The following VWA3A variants were observed in gnomAD, a reference collection of about 807,000 sequenced individuals.
VWA3A encodes von Willebrand factor A domain-containing protein 3A.
A neutral mutation model predicts 160.4 loss-of-function variants in VWA3A; 134 were observed. The ratio of observed to expected loss-of-function variants is 0.84; its 90% confidence interval spans 0.73 to 0.96. The LOEUF (loss-of-function observed/expected upper bound fraction) is 0.96, where lower values mean the gene tolerates loss of function less well. Ranked by LOEUF, VWA3A falls within the 40% of genes least tolerant of loss-of-function variation. VWA3A has a pLI of 0.00. For synonymous variants in VWA3A, 476 were observed against 543.4 expected (o/e 0.88, Z 1.72); for missense variants, 1,310 against 1,447.9 (o/e 0.90, Z 1.55).
intron 3 of VWA3A, among the ~76,000 whole-genome samples, chr16:22,098,865 C>T (rs1331783602): frequency 4.3e-5 from 6 of 138,112 alleles, no homozygotes; most frequent in Admixed American, 8.4e-5. Context: ...GCTTGAGTCC[C>T]GAAGTTTGAG....
rs576100221 is a variant in VWA3A, at chr16:22,141,999, T to A, written c.2494+307T>A. Among the ~76,000 whole-genome samples the A allele has an allele frequency of 3.0e-4, 46 of 152,312 alleles. 1 individual carries two copies. Among genetic ancestry groups the A allele is most frequent in the African/African-American group, 1.1e-3 (46 of 41,568 alleles). ...TAAGGCAGATGGCAAGGGATGGAGA[T>A]GATTCCCCTAGGCCAGCCTGATTCA... On this transcript the variant is annotated intron_variant, in intron 24 of 33. Transcript: ENST00000389398.
intron 30 of VWA3A, 68 bp from the exon 31 acceptor site, chr16:22,152,443 C>T (rs1465193927): frequency 1.3e-5 from 21 of 1,587,506 alleles, no homozygotes; most frequent in African/African-American, 5.4e-5. Context: ...TCCCCATGGA[C>T]GTGGGGAGTC....
chr16:22,103,782 G>C (rs984599945), intron 6 of VWA3A, among the ~76,000 whole-genome samples: 4 of 152,148 alleles, frequency 2.6e-5, no homozygotes, highest in Non-Finnish European at 5.9e-5. Flanking sequence ...GGCATAGGAA[G>C]GTGGTGATCA....
At chr16:22,103,326 G>A in intron 5 of VWA3A, 149 bp from the exon 6 acceptor site, 1 of 676,352 alleles carries the variant, frequency 1.5e-6, no homozygotes, top group Non-Finnish European at 2.4e-6. Flanking sequence ...GCACTACAGT[G>A]CACCTAAAAG....
intron 7 of VWA3A, 105 bp from the exon 8 acceptor site, chr16:22,110,783 T>C (rs2045541894): frequency 3.8e-6 from 4 of 1,060,426 alleles, no homozygotes; most frequent in Admixed American, 2.7e-5. Context: ...CCCTATTCAG[T>C]ACAGCTCACA....
intron 30 of VWA3A, among the ~76,000 whole-genome samples, chr16:22,151,319 A>AT (rs1296924086): frequency 6.6e-6 from 1 of 151,956 alleles, no homozygotes; most frequent in Non-Finnish European, 1.5e-5. Context: ...TAGGAGAAGC[A>AT]TTGTTTTTCT....
intron 5 of VWA3A, among the ~76,000 whole-genome samples, chr16:22,101,923 G>A (rs774695361): frequency 3.6e-4 from 55 of 152,334 alleles, no homozygotes; most frequent in Non-Finnish European, 6.9e-4. Context: ...TTAGCAAATT[G>A]ACTTGGATAG....
In VWA3A at chr16:22,134,719, T is replaced by C. The variant is rs561286122; in HGVS notation, c.2139+281T>C. Among the ~76,000 whole-genome samples the C allele has an allele frequency of 2.5e-4, 38 of 152,288 alleles. No homozygotes were observed. The East Asian group carries it at 7.1e-3, about 29-fold the overall frequency. Reference sequence around the variant, plus strand: ...AATTGCACTGGTTGCTCTTTTAAAATGGCAAGGAAGACTTTACTTAAGACT... The same window carrying C: ...AATTGCACTGGTTGCTCTTTTAAAACGGCAAGGAAGACTTTACTTAAGACT... On this transcript the variant is annotated intron_variant, in intron 21 of 33. Coordinates refer to ENST00000389398, the MANE Select transcript of VWA3A (RefSeq NM_173615.5).
intron 1 of VWA3A, among the ~76,000 whole-genome samples, chr16:22,096,535 T>A (rs2316101): frequency 0.42 from 64,399 of 151,956 alleles, 18,323 homozygotes; most frequent in African/African-American, 0.79. Context: ...ACTTGAGCCC[T>A]AGAGTTCGAG....
intron 21 of VWA3A, among the ~76,000 whole-genome samples, chr16:22,136,998 G>A (rs1025461569): frequency 1.3e-5 from 2 of 152,062 alleles, no homozygotes; most frequent in East Asian, 1.9e-4. Flanking sequence ...CCTTGAACCC[G>A]GGAGGCAGAG....
At chr16:22,098,015 G>A (rs938830603) in intron 3 of VWA3A, among the ~76,000 whole-genome samples, 1 of 152,202 alleles carries the variant, frequency 6.6e-6, no homozygotes, top group Non-Finnish European at 1.5e-5. Context: ...TTGCTTTTGA[G>A]ATTCCCTGAA....
At chr16:22,155,738 G>A (rs957665178) in intron 32 of VWA3A, 74 bp downstream of exon 32, 2 of 1,601,716 alleles carry the variant, frequency 1.2e-6, no homozygotes, top group African/African-American at 2.7e-5. Context: ...CCATCGAGAA[G>A]GGCCGCACCC....
chr16:22,104,058 G>C (rs1195084284), intron 6 of VWA3A, among the ~76,000 whole-genome samples: 3 of 152,322 alleles, frequency 2.0e-5, no homozygotes, highest in African/African-American at 7.2e-5. Flanking sequence ...CATGTGGAAG[G>C]CCAGAGCACT....
rs141063067 is a variant in VWA3A, at chr16:22,149,650, G to C, written c.2985-137G>C. The C allele has an allele frequency of 6.9e-5, 78 of 1,127,836 alleles. No individual in the cohort carries two copies. In the African/African-American group the frequency reaches 1.2e-3, roughly 17 times the overall value. 69.9% of individuals were successfully genotyped at this position (1,127,836 alleles called of 1,614,324 possible). On this transcript the variant is annotated intron_variant, in intron 28 of 33. Transcript: ENST00000389398. Reference sequence around the variant, plus strand: ...CTCTCCCTGAGGGGCCACAGGGCTCGTTGTAGGGGTCTTCAGTGACGAGCA... The same window carrying C: ...CTCTCCCTGAGGGGCCACAGGGCTCCTTGTAGGGGTCTTCAGTGACGAGCA...
At chr16:22,100,544 G>A in intron 5 of VWA3A, 51 bp downstream of exon 5, 1 of 1,520,026 alleles carries the variant, frequency 6.6e-7, no homozygotes. Flanking sequence ...CAAGAATTAT[G>A]TCATTTCAGT....
chr16:22,144,476 C>G (rs1398255924), intron 26 of VWA3A, 92 bp downstream of exon 26: 19 of 1,505,974 alleles, frequency 1.3e-5, no homozygotes, highest in African/African-American at 1.4e-5. Context: ...GCCTCTATTT[C>G]TGCTTGTAGG....
At chr16:22,118,110 A>G (rs2045674991) in intron 11 of VWA3A, among the ~76,000 whole-genome samples, 1 of 152,056 alleles carries the variant, frequency 6.6e-6, no homozygotes, top group African/African-American at 2.4e-5. Flanking sequence ...GTGACAGCCC[A>G]TCTCTACAAA....
In VWA3A at chr16:22,155,850, G is replaced by A; in HGVS notation, c.3504-1G>A. 1 of 1,613,902 alleles carries A rather than the reference G, an allele frequency of 6.2e-7. No individual in the cohort carries two copies. The highest frequency in any genetic ancestry group is 8.5e-7 in the Non-Finnish European group (1 of 1,179,874). ...ATCTTTCTTCATCTCCTGCCCACCA[G>A]ATCCCAACTCCAGAAGAAAAATGAT... On this transcript the variant is annotated splice_acceptor_variant, in intron 32 of 33. Coordinates refer to ENST00000389398, the MANE Select transcript of VWA3A (RefSeq NM_173615.5). LOFTEE classifies it high-confidence loss of function.
At chr16:22,129,156 G>A (rs563791785) in intron 17 of VWA3A, among the ~76,000 whole-genome samples, 10 of 152,062 alleles carry the variant, frequency 6.6e-5, no homozygotes, top group South Asian at 4.2e-4. Flanking sequence ...TTGAGAGGCC[G>A]AGGCGGGCGG....
Sources: allele counts gnomAD v4.1 joint callset (sites outside exome capture counted in the v4.1 genomes callset), GRCh38; gene constraint gnomAD v4.1.1; transcripts MANE v1.5; gene names NCBI Gene and HGNC (gene_info 2026-07-23, HGNC 2026-07-21).